Variants in NRG1 observed in about 807,000 individuals in gnomAD.
NRG1 encodes neuregulin 1.
A neutral mutation model predicts 63.8 loss-of-function variants in NRG1; 18 were observed. The observed-to-expected ratio is 0.28, with a 90% CI of 0.19 to 0.42. NRG1 has a LOEUF of 0.42. NRG1 is among the 10% of genes least tolerant of loss of function. The pLI is 1.00. For synonymous variants in NRG1, 302 were observed against 301.3 expected (o/e 1.00, Z -0.02); for missense variants, 762 against 814.7 (o/e 0.94, Z 0.79).
Position 31,640,155 on chromosome 8 carries a change from G to T in NRG1, c.37+724G>T. On this transcript the variant is annotated intron_variant, in intron 1 of 10. Transcript: ENST00000519301. This position sits in a 1 kb window ranked among gnomAD's most constrained non-coding sequence, Gnocchi z 6.3. Reference sequence around the variant, plus strand: ...CGGCCGGCAACGAGGCGGCTCCCGCGGGGGCCTCGGTGTGCTACTCGTCCC... The same window carrying T: ...CGGCCGGCAACGAGGCGGCTCCCGCTGGGGCCTCGGTGTGCTACTCGTCCC... The T allele has an allele frequency of 8.5e-7, 1 of 1,176,044 alleles. No homozygotes were observed. Among genetic ancestry groups the T allele is most frequent in the East Asian group, 3.8e-5 (1 of 26,056 alleles). The allele number at this position is 1,176,044 out of a possible 1,614,324, so 72.9% of individuals were successfully genotyped here.
intron 5 of NRG1, among the ~76,000 whole-genome samples, chr8:32,649,164 T>A (rs1854398430): frequency 6.6e-6 from 1 of 150,750 alleles, no homozygotes; most frequent in Non-Finnish European, 1.5e-5. Context: ...TACATCTTTT[T>A]TTTTTTTTTT....
At position 32,262,693 on chromosome 8, in the gene NRG1, C is replaced by T. The variant is rs555053307; in HGVS notation, c.38-333135C>T. 1.5e-4 allele frequency among the ~76,000 whole-genome samples: 23 copies of T among 152,252 alleles called. No individual in the cohort carries two copies. The East Asian group carries it at 4.4e-3, about 29-fold the overall frequency. The stretch of plus-strand genomic sequence containing the variant: ...TTTGAAAAATGGGAAAAAAATATAT[C>T]TGTCACAGGGAAGTGGTTAGAGGTT... On this transcript the variant is annotated intron_variant, in intron 1 of 10. Transcript: ENST00000519301.
intron 1 of NRG1, among the ~76,000 whole-genome samples, chr8:32,211,402 C>T (rs1215098412): frequency 6.6e-6 from 1 of 152,126 alleles, no homozygotes; most frequent in Non-Finnish European, 1.5e-5. Flanking sequence ...GTGCATAAAT[C>T]GTTGTGACAT....
chr8:32,379,539 G>A (rs1810071855), intron 1 of NRG1, among the ~76,000 whole-genome samples: 3 of 152,030 alleles, frequency 2.0e-5, no homozygotes, highest in Admixed American at 1.3e-4. Context: ...TCCTCTGGTA[G>A]GGGTAATTGC....
intron 1 of NRG1, among the ~76,000 whole-genome samples, chr8:31,757,370 G>A (rs1027178734): frequency 7.9e-5 from 12 of 151,858 alleles, no homozygotes; most frequent in African/African-American, 4.8e-5. Context: ...TCCTAATTCT[G>A]TTATTGTTTC....
At chr8:32,296,331 T>C (rs968457273) in intron 1 of NRG1, among the ~76,000 whole-genome samples, 2 of 152,162 alleles carry the variant, frequency 1.3e-5, no homozygotes, top group African/African-American at 4.8e-5. Flanking sequence ...GGCTCACGCC[T>C]GTAACCCCAG....
chr8:32,768,548 A>G (rs955994882), downstream of NRG1, among the ~76,000 whole-genome samples: 2 of 152,178 alleles, frequency 1.3e-5, no homozygotes, highest in African/African-American at 4.8e-5. Context: ...CTGTCAATAA[A>G]ACAAATCAAA....
chr8:32,317,803 T>C (rs750430858), intron 1 of NRG1, among the ~76,000 whole-genome samples: 1 of 152,234 alleles, frequency 6.6e-6, no homozygotes, highest in Non-Finnish European at 1.5e-5. Context: ...CCTGTTGTTA[T>C]ATAGCTGGGC....
intron 1 of NRG1, among the ~76,000 whole-genome samples, chr8:32,036,447 C>G (rs1819075783): frequency 6.6e-6 from 1 of 152,096 alleles, no homozygotes; most frequent in African/African-American, 2.4e-5. Flanking sequence ...CTGGGGTTCT[C>G]TGGATTTCCT....
chr8:32,623,864 A>G (rs558600279), intron 5 of NRG1, among the ~76,000 whole-genome samples: 1 of 152,328 alleles, frequency 6.6e-6, no homozygotes, highest in African/African-American at 2.4e-5. Flanking sequence ...GAGAGAATCT[A>G]AAAAGTTTTG....
At chr8:31,839,858 C>T (rs1826024132) in intron 1 of NRG1, among the ~76,000 whole-genome samples, 5 of 152,066 alleles carry the variant, frequency 3.3e-5, no homozygotes, top group Admixed American at 3.3e-4. Flanking sequence ...GGTGGCTGAG[C>T]ACTTCCTGTG....
At chr8:32,344,419 ATG>A (rs397956518) in intron 1 of NRG1, among the ~76,000 whole-genome samples, 8,233 of 57,268 alleles carry the variant, frequency 0.14, 813 homozygotes, top group Non-Finnish European at 0.23. Context: ...GCGTGCATGC[ATG>A]TGTGTGTGTG....
chr8:32,611,562 G>A (rs971712487), intron 3 of NRG1, among the ~76,000 whole-genome samples: 1 of 151,998 alleles, frequency 6.6e-6, no homozygotes, highest in Non-Finnish European at 1.5e-5. Context: ...TATCCATCCT[G>A]TCTACACTGT....
chr8:32,097,609 A>G (rs1036835771), intron 1 of NRG1, among the ~76,000 whole-genome samples: 1 of 152,160 alleles, frequency 6.6e-6, no homozygotes, highest in African/African-American at 2.4e-5. Context: ...AAGAGATGAC[A>G]TTGGGTTAGA....
chr8:32,225,021 A>G (rs1846181230), intron 1 of NRG1, among the ~76,000 whole-genome samples: 1 of 152,220 alleles, frequency 6.6e-6, no homozygotes, highest in African/African-American at 2.4e-5. Flanking sequence ...AGTGTAAGGT[A>G]CTATGCATTC....
intron 1 of NRG1, among the ~76,000 whole-genome samples, chr8:32,575,154 C>T (rs1470902008): frequency 2.6e-5 from 4 of 152,172 alleles, no homozygotes; most frequent in African/African-American, 9.7e-5. Flanking sequence ...CACAATTGAC[C>T]TTTGTCTTAG....
At chr8:32,249,716 G>A (rs1374253901) in intron 1 of NRG1, among the ~76,000 whole-genome samples, 1 of 152,042 alleles carries the variant, frequency 6.6e-6, no homozygotes, top group East Asian at 1.9e-4. Context: ...CAGGAATGGA[G>A]CACAAAGGGC....
chr8:31,982,237 CTTGCTA>C (rs1369850996), intron 1 of NRG1, among the ~76,000 whole-genome samples: 4 of 152,004 alleles, frequency 2.6e-5, no homozygotes, highest in Non-Finnish European at 5.9e-5. Context: ...AAAGATCATT[CTTGCTA>C]TGGTGTAGAG....
At chr8:32,286,714 C>T (rs1190285949) in intron 1 of NRG1, among the ~76,000 whole-genome samples, 3 of 152,138 alleles carry the variant, frequency 2.0e-5, no homozygotes, top group African/African-American at 7.2e-5. Context: ...GTAGAAGTTT[C>T]CTGGCCGGGC....
Sources: allele counts gnomAD v4.1 joint callset (sites outside exome capture counted in the v4.1 genomes callset), GRCh38; gene constraint gnomAD v4.1.1; non-coding constraint Gnocchi (gnomAD v3.1); transcripts MANE v1.5; gene names NCBI Gene and HGNC (gene_info 2026-07-23, HGNC 2026-07-21).